MYCBP2: variants seen among roughly 807,000 people sequenced by gnomAD.
MYCBP2 encodes E3 ubiquitin-protein ligase MYCBP2.
In MYCBP2, 120 loss-of-function variants were observed where a neutral mutation model predicts 525.3. The observed-to-expected ratio is 0.23, with a 90% CI of 0.20 to 0.27. The LOEUF (loss-of-function observed/expected upper bound fraction) is 0.27. Among genes scored for constraint, MYCBP2 ranks in the 10% least tolerant of loss-of-function variants. The pLI, the probability that MYCBP2 is intolerant of heterozygous loss-of-function variation, is 1.00. For missense variants in MYCBP2, 4,149 were observed against 5,657.1 expected, an observed-to-expected ratio of 0.73 and a Z score of 8.55; for synonymous variants, 1,894 against 1,955.8, an observed-to-expected ratio of 0.97 and a Z score of 0.83.
chr13:77,309,940 C>T (rs1171657156), intron 1 of MYCBP2, among the ~76,000 whole-genome samples: 1 of 152,004 alleles, frequency 6.6e-6, no homozygotes, highest in Non-Finnish European at 1.5e-5. Flanking sequence ...GGTGAAATCC[C>T]ATCTCTACTA....
chr13:77,082,930 T>C, intron 63 of MYCBP2, 102 bp downstream of exon 63: 1 of 1,156,786 alleles, frequency 8.6e-7, no homozygotes. Context: ...GTAGGGATTC[T>C]ATCTTACTAT....
chr13:77,200,038 T>A (rs530995347), intron 26 of MYCBP2, among the ~76,000 whole-genome samples: 1 of 152,324 alleles, frequency 6.6e-6, no homozygotes, highest in African/African-American at 2.4e-5. Context: ...CAAAGCTGGA[T>A]GGAGAATGAC....
At chr13:77,212,530 C>G (rs2064166578) in intron 21 of MYCBP2, among the ~76,000 whole-genome samples, 1 of 152,256 alleles carries the variant, frequency 6.6e-6, no homozygotes, top group Non-Finnish European at 1.5e-5. Context: ...TAAAAAGTCA[C>G]TTTGACATAG....
At chr13:77,163,390 G>A (rs1046826729) in intron 43 of MYCBP2, among the ~76,000 whole-genome samples, 1 of 152,080 alleles carries the variant, frequency 6.6e-6, no homozygotes, top group African/African-American at 2.4e-5. Context: ...AAGGGACCAG[G>A]AAGAGAAAAG....
At chr13:77,222,427 T>C (rs2065720362) in intron 20 of MYCBP2, among the ~76,000 whole-genome samples, 1 of 152,166 alleles carries the variant, frequency 6.6e-6, no homozygotes, top group African/African-American at 2.4e-5. Context: ...AACTCAATGA[T>C]ATCTCAATCG....
chr13:77,078,656 T>G (rs1182773561), intron 66 of MYCBP2, among the ~76,000 whole-genome samples, 168 bp downstream of exon 66: 1 of 152,124 alleles, frequency 6.6e-6, no homozygotes, highest in African/African-American at 2.4e-5. Context: ...ACAGGGATGG[T>G]GGTTACTATT....
At chr13:77,204,177 A>G (rs2062999689) in intron 26 of MYCBP2, among the ~76,000 whole-genome samples, 1 of 151,926 alleles carries the variant, frequency 6.6e-6, no homozygotes, top group South Asian at 2.1e-4. Context: ...CAGAATCTAC[A>G]ATGAACTCAA....
intron 55 of MYCBP2, among the ~76,000 whole-genome samples, chr13:77,119,878 C>T (rs1395379490): frequency 6.6e-6 from 1 of 152,168 alleles, no homozygotes; most frequent in Non-Finnish European, 1.5e-5. Flanking sequence ...GCATGAGCCA[C>T]TATGCCTGGC....
At chr13:77,194,560 C>G (rs528867576) in intron 26 of MYCBP2, among the ~76,000 whole-genome samples, 26 of 152,112 alleles carry the variant, frequency 1.7e-4, no homozygotes, top group African/African-American at 6.3e-4. Flanking sequence ...AGAACTCCAA[C>G]AAAAAATTTT....
intron 79 of MYCBP2, among the ~76,000 whole-genome samples, chr13:77,056,285 A>C (rs1391212145): frequency 6.6e-6 from 1 of 152,148 alleles, no homozygotes. Context: ...AAAATACTAC[A>C]ATCTTTTTGA....
chr13:77,166,364 G>A lies in MYCBP2; in HGVS notation c.6305C>T (p.Ser2102Phe). ...SWIELKKFSG[S>F]SGWPTMVLVL... ...CAAAACCATAGTAGGCCACCCAGAG[G>A]ATCCTGAAAATTTCTTTAATTCTAT... Residue 2102 changes from serine to phenylalanine, a missense_variant, in exon 41 of 83, where the codon TCC (serine) becomes TTC (phenylalanine). Coordinates refer to ENST00000544440, the MANE Select transcript of MYCBP2 (RefSeq NM_015057.5). The A allele has an allele frequency of 6.2e-7, 1 of 1,613,472 alleles. No individual in the cohort carries two copies. The highest frequency in any genetic ancestry group is 2.2e-5 in the East Asian group (1 of 44,876).
intron 55 of MYCBP2, among the ~76,000 whole-genome samples, chr13:77,111,109 C>A (rs2048743843): frequency 6.6e-6 from 1 of 152,142 alleles, no homozygotes; most frequent in Admixed American, 6.6e-5. Context: ...GGAGATATAG[C>A]AGACCTAATC....
chr13:77,280,674 G>A (rs1444216202), intron 3 of MYCBP2, among the ~76,000 whole-genome samples: 2 of 152,158 alleles, frequency 1.3e-5, no homozygotes, highest in Non-Finnish European at 2.9e-5. Context: ...TAATGAACAG[G>A]TTCTTGATCT....
At chr13:77,307,059 T>C (rs986921329) in intron 1 of MYCBP2, among the ~76,000 whole-genome samples, 3 of 152,224 alleles carry the variant, frequency 2.0e-5, no homozygotes, top group Admixed American at 6.5e-5. Flanking sequence ...CACAGCTGAA[T>C]AGAAAATTTA....
At chr13:77,244,538 A>G (rs933187589) in intron 15 of MYCBP2, among the ~76,000 whole-genome samples, 1 of 152,224 alleles carries the variant, frequency 6.6e-6, no homozygotes, top group Non-Finnish European at 1.5e-5. Flanking sequence ...AGATTTAAAC[A>G]TAAGACCTAA....
chr13:77,205,405 C>G, intron 25 of MYCBP2, 22 bp from the exon 26 acceptor site: 1 of 1,611,710 alleles, frequency 6.2e-7, no homozygotes, highest in Middle Eastern at 1.7e-4. Flanking sequence ...AAATCATAAT[C>G]TATGTTTTAA....
intron 15 of MYCBP2, among the ~76,000 whole-genome samples, chr13:77,247,195 A>G (rs967015974): frequency 6.6e-6 from 1 of 152,202 alleles, no homozygotes; most frequent in Non-Finnish European, 1.5e-5. Flanking sequence ...ATACAATCTC[A>G]TAAGTAGAAA....
intron 21 of MYCBP2, 111 bp from the exon 22 acceptor site, chr13:77,212,271 C>T (rs542886407): frequency 5.4e-5 from 46 of 857,336 alleles, no homozygotes; most frequent in African/African-American, 2.6e-4. Flanking sequence ...TATTTTTCAC[C>T]AATTGTTAGT....
At chr13:77,140,302 C>T (rs1049439738) in intron 50 of MYCBP2, 139 bp from the exon 51 acceptor site, 12 of 542,014 alleles carry the variant, frequency 2.2e-5, no homozygotes, top group Non-Finnish European at 3.9e-5. Flanking sequence ...GAGAGGCTCC[C>T]TCTGCAAATA....
Sources: gnomAD v4.1 joint callset for allele counts (sites outside exome capture counted in the v4.1 genomes callset) on GRCh38, gnomAD v4.1.1 for gene constraint, MANE v1.5 for transcripts, NCBI Gene and HGNC (gene_info 2026-07-23, HGNC 2026-07-21) for gene names.